Variants in LMCD1 observed in about 807,000 individuals in gnomAD.
LMCD1 encodes the protein LIM and cysteine-rich domains protein 1.
Under a neutral mutation model 42.7 loss-of-function variants are expected in LMCD1, and 32 were observed. That is an observed-to-expected ratio of 0.75 (90% CI 0.57 to 1.01). The LOEUF (loss-of-function observed/expected upper bound fraction) is 1.01, where lower values mean the gene tolerates loss of function less well. Among genes scored for constraint, LMCD1 ranks in the 50% least tolerant of loss-of-function variants. LMCD1 has a pLI of 0.00. For synonymous variants in LMCD1, 178 were observed against 184.9 expected (o/e 0.96, Z 0.30); for missense variants, 458 against 483.1 (o/e 0.95, Z 0.49).
intron 1 of LMCD1, among the ~76,000 whole-genome samples, chr3:8,522,366 C>T (rs999129982): frequency 1.3e-5 from 2 of 152,194 alleles, no homozygotes; most frequent in South Asian, 4.2e-4. Context: ...GGTAACTAGT[C>T]TAGGAAAGTC....
At position 8,537,447 on chromosome 3, in the gene LMCD1, G is replaced by A; in HGVS notation, c.387+7G>A. On this transcript the variant is annotated splice_region_variant and intron_variant, in intron 3 of 5. Transcript: ENST00000157600. ...TGGAGTCACCCAGAAACTGGTAAGA[G>A]AGCTTCCCCAACCAAGCAGTTGTTT... is the stretch of plus-strand genomic sequence containing the variant. 1 of 1,556,576 alleles carries A rather than the reference G, an allele frequency of 6.4e-7. No individual in the cohort carries two copies. Among genetic ancestry groups the A allele is most frequent in the South Asian group, 1.2e-5 (1 of 81,860 alleles).
At chr3:8,511,709 G>T (rs760265998) in intron 1 of LMCD1, among the ~76,000 whole-genome samples, 3 of 152,206 alleles carry the variant, frequency 2.0e-5, no homozygotes, top group Non-Finnish European at 2.9e-5. Flanking sequence ...ATCTTGGACT[G>T]TGGAGAAATA....
chr3:8,526,116 C>T (rs534980694), intron 1 of LMCD1, among the ~76,000 whole-genome samples: 29 of 152,286 alleles, frequency 1.9e-4, no homozygotes, highest in African/African-American at 7.0e-4. Context: ...AGAGTGTTTA[C>T]TTAATTTAAG....
intron 1 of LMCD1, among the ~76,000 whole-genome samples, chr3:8,528,173 C>A (rs1343569841): frequency 6.6e-6 from 1 of 152,116 alleles, no homozygotes; most frequent in Middle Eastern, 3.2e-3. Context: ...AAGGATGTGC[C>A]ACTCACCTTT....
At chr3:8,560,704 T>TA (rs1695018867) in intron 4 of LMCD1, among the ~76,000 whole-genome samples, 1 of 152,318 alleles carries the variant, frequency 6.6e-6, no homozygotes, top group East Asian at 1.9e-4. Context: ...TGAAAATAAG[T>TA]AGATGATGAC....
chr3:8,541,637 TA>T (rs1319918977), intron 3 of LMCD1, among the ~76,000 whole-genome samples: 1 of 152,240 alleles, frequency 6.6e-6, no homozygotes, highest in Non-Finnish European at 1.5e-5. Context: ...TGCTTCCTGC[TA>T]AAGGTTATGG....
chr3:8,522,172 T>C (rs1290074875), intron 1 of LMCD1, among the ~76,000 whole-genome samples: 1 of 152,222 alleles, frequency 6.6e-6, no homozygotes, highest in Non-Finnish European at 1.5e-5. Context: ...ATGGATTTAC[T>C]TTTCTACTCT....
intron 4 of LMCD1, chr3:8,551,055 A>G: frequency 1.0e-6 from 1 of 985,464 alleles, no homozygotes; most frequent in Non-Finnish European, 1.2e-6. Flanking sequence ...AAGTCAGAAA[A>G]TAAGTAGGGA....
intron 1 of LMCD1, among the ~76,000 whole-genome samples, chr3:8,524,463 T>C (rs932519460): frequency 1.3e-5 from 2 of 152,278 alleles, no homozygotes; most frequent in Middle Eastern, 3.4e-3. Flanking sequence ...GTTAAGAGAA[T>C]GACTGCATTT....
chr3:8,552,018 G>A (rs1200235771), intron 4 of LMCD1, among the ~76,000 whole-genome samples: 3 of 152,158 alleles, frequency 2.0e-5, no homozygotes, highest in Non-Finnish European at 2.9e-5. Context: ...AGAGATTAAC[G>A]GGAGAAAAAC....
intron 3 of LMCD1, among the ~76,000 whole-genome samples, chr3:8,544,900 C>T (rs1283022897): frequency 6.6e-6 from 1 of 152,182 alleles, no homozygotes; most frequent in African/African-American, 2.4e-5. Flanking sequence ...AGCAATTTGC[C>T]TCTCACGGTT....
chr3:8,565,339 C>T (rs1479947757), intron 4 of LMCD1, 93 bp from the exon 5 acceptor site: 20 of 1,123,738 alleles, frequency 1.8e-5, no homozygotes, highest in East Asian at 4.8e-5. Context: ...CAAGGTCACC[C>T]AGGAAGTAGA....
chr3:8,522,635 A>C (rs1304501778), intron 1 of LMCD1, among the ~76,000 whole-genome samples: 1 of 152,092 alleles, frequency 6.6e-6, no homozygotes, highest in African/African-American at 2.4e-5. Flanking sequence ...CTTTGTGACC[A>C]ACCTGATTTT....
At chr3:8,505,354 G>A (rs1443715049) in intron 1 of LMCD1, among the ~76,000 whole-genome samples, 1 of 152,210 alleles carries the variant, frequency 6.6e-6, no homozygotes, top group African/African-American at 2.4e-5. Flanking sequence ...AACATGGATT[G>A]CCAGTTATTG....
intron 3 of LMCD1, chr3:8,537,649 G>T (rs1029676609): frequency 2.0e-6 from 1 of 508,382 alleles, no homozygotes; most frequent in African/African-American, 1.9e-5. Flanking sequence ...CCATGAAATG[G>T]GTAGAGGTGT....
At chr3:8,519,678 G>A (rs1384012350) in intron 1 of LMCD1, among the ~76,000 whole-genome samples, 1 of 150,258 alleles carries the variant, frequency 6.7e-6, no homozygotes. Context: ...GGAAAATCAA[G>A]GAAAGGATAA....
At chr3:8,523,206 TTA>T (rs1157051678) in intron 1 of LMCD1, among the ~76,000 whole-genome samples, 1 of 152,252 alleles carries the variant, frequency 6.6e-6, no homozygotes, top group Non-Finnish European at 1.5e-5. Context: ...CTGTGCATTT[TTA>T]TCTTCATTAC....
intron 1 of LMCD1, chr3:8,515,143 T>C (rs1177262505): frequency 5.2e-6 from 2 of 387,910 alleles, no homozygotes; most frequent in East Asian, 1.5e-4. Context: ...AGGTGTCACG[T>C]TAGGGGAGAA....
chr3:8,513,595 C>T (rs1454276049), intron 1 of LMCD1, among the ~76,000 whole-genome samples: 1 of 151,874 alleles, frequency 6.6e-6, no homozygotes, highest in Non-Finnish European at 1.5e-5. Context: ...ACATGTAGAA[C>T]ATGACTTTCA....
Sources: gnomAD v4.1 joint callset for allele counts (sites outside exome capture counted in the v4.1 genomes callset) on GRCh38, gnomAD v4.1.1 for gene constraint, MANE v1.5 for transcripts, NCBI Gene and HGNC (gene_info 2026-07-23, HGNC 2026-07-21) for gene names.